The following EPB41L3 variants were observed in gnomAD, a reference collection of about 807,000 sequenced individuals.
EPB41L3 encodes the protein erythrocyte membrane protein band 4.1 like 3, also known as band 4.1-like protein 3.
Under a neutral mutation model 127.1 loss-of-function variants are expected in EPB41L3, and 57 were observed. The ratio of observed to expected loss-of-function variants is 0.45; its 90% CI spans 0.36 to 0.56. The LOEUF (loss-of-function observed/expected upper bound fraction) is 0.56, where lower values mean the gene tolerates loss of function less well. Among genes scored for constraint, EPB41L3 ranks in the 20% least tolerant of loss-of-function variants. EPB41L3 has a pLI of 0.00. For missense variants in EPB41L3, 1,273 were observed against 1,372.2 expected (o/e 0.93, Z 1.14); for synonymous variants, 572 against 549.5 (o/e 1.04, Z -0.57).
At chr18:5,480,420 G>A (rs900846207) in intron 2 of EPB41L3, among the ~76,000 whole-genome samples, 4 of 152,122 alleles carry the variant, frequency 2.6e-5, no homozygotes, top group South Asian at 2.1e-4. Flanking sequence ...TCTATGGTAT[G>A]GGTATTATTA....
At position 5,478,237 on chromosome 18, in the gene EPB41L3, T is replaced by G. The variant is rs776914815; in HGVS notation, c.381+4A>C. 3 of 1,613,280 alleles carry G rather than the reference T, an allele frequency of 1.9e-6. No homozygotes were observed. Among genetic ancestry groups the G allele is most frequent in the Non-Finnish European group, 2.5e-6 (3 of 1,179,274 alleles). On this transcript the variant is annotated splice_donor_region_variant and intron_variant, in intron 3 of 22. Coordinates refer to ENST00000341928, the MANE Select transcript of EPB41L3 (RefSeq NM_012307.5). ...GACAGAAAAGTCTTAAGACACACAC[T>G]TACCTCTACATCACAGGTATATTCT...
At position 5,543,919 on chromosome 18, in the gene EPB41L3, T is replaced by C. The variant is rs1216080640; in HGVS notation, c.-18A>G. 6 of 982,674 alleles carry C rather than the reference T, an allele frequency of 6.1e-6. No individual in the cohort carries two copies. In the Admixed American group the frequency reaches 3.7e-4, roughly 61 times the overall value. 60.9% of individuals were successfully genotyped at this position (982,674 alleles called of 1,614,324 possible). The stretch of plus-strand genomic sequence containing the variant: ...CGAGAGGCGGAAAAGTTACCTGGGA[T>C]CAGCAGGGAGCCCGGGCGCGCCGCG... On this transcript the variant is annotated 5_prime_UTR_variant, in exon 1 of 23. Transcript: ENST00000341928. This position sits in a 1 kb window ranked among gnomAD's most constrained non-coding sequence, Gnocchi z 5.2.
At chr18:5,591,849 A>T (rs966712901) in intron 3 of EPB41L3, among the ~76,000 whole-genome samples, 1 of 152,198 alleles carries the variant, frequency 6.6e-6, no homozygotes, top group African/African-American at 2.4e-5. Flanking sequence ...ACACTATTAA[A>T]TAGATATGTG....
chr18:5,571,915 G>C (rs1345300882), intron 3 of EPB41L3, among the ~76,000 whole-genome samples: 1 of 152,236 alleles, frequency 6.6e-6, no homozygotes, highest in African/African-American at 2.4e-5. Flanking sequence ...TTGCCTGAAG[G>C]ATATAGGGAC....
intron 3 of EPB41L3, among the ~76,000 whole-genome samples, chr18:5,455,633 A>G (rs568823924): frequency 5.4e-4 from 80 of 149,216 alleles, no homozygotes; most frequent in East Asian, 1.6e-3. Context: ...TTTTTTTTTT[A>G]ATTGGTTCCT....
intron 3 of EPB41L3, among the ~76,000 whole-genome samples, chr18:5,605,179 C>G (rs1415793542): frequency 6.6e-6 from 1 of 152,136 alleles, no homozygotes; most frequent in Non-Finnish European, 1.5e-5. Flanking sequence ...AGGTTGAGGC[C>G]TCTGCTGGGA....
intron 16 of EPB41L3, among the ~76,000 whole-genome samples, chr18:5,403,032 T>TA: frequency 6.6e-6 from 1 of 152,314 alleles, no homozygotes; most frequent in East Asian, 1.9e-4. Flanking sequence ...TACTAGCAGA[T>TA]ACTGCTTTTT....
chr18:5,461,802 T>A (rs1045091030), intron 3 of EPB41L3, among the ~76,000 whole-genome samples: 1 of 152,136 alleles, frequency 6.6e-6, no homozygotes, highest in Non-Finnish European at 1.5e-5. Flanking sequence ...GATGGAAATG[T>A]TATTTGTTCC....
At chr18:5,549,197 CTTAAT>C (rs541789745), upstream of EPB41L3, among the ~76,000 whole-genome samples, 21 of 152,272 alleles carry the variant, frequency 1.4e-4, no homozygotes, top group South Asian at 4.1e-3. Context: ...AGCTTTGTTT[CTTAAT>C]TTAATTCCTG....
chr18:5,545,873 CTGTGTGTGTGTGTGTGTGTGTGTGTG>C (rs36213569), upstream of EPB41L3, among the ~76,000 whole-genome samples: 5 of 146,864 alleles, frequency 3.4e-5, no homozygotes, highest in African/African-American at 7.5e-5. Context: ...CTGTATGACT[CTGTGTGTGTGTGTGTGTGTGTGTGTG>C]TGTGTGTGTG....
intron 20 of EPB41L3, 43 bp downstream of exon 20, chr18:5,395,566 C>T (rs1457738719): frequency 6.4e-7 from 1 of 1,574,442 alleles, no homozygotes; most frequent in East Asian, 2.2e-5. Flanking sequence ...CTTCCTCCAG[C>T]TCGCTCTCAA....
chr18:5,520,536 G>A (rs193053358), intron 1 of EPB41L3, among the ~76,000 whole-genome samples: 9 of 141,584 alleles, frequency 6.4e-5, no homozygotes, highest in South Asian at 4.5e-4. Flanking sequence ...ACCCATGCTC[G>A]CCTCCCCTAC....
At chr18:5,438,341 A>C (rs2146012387) in intron 5 of EPB41L3, among the ~76,000 whole-genome samples, 1 of 152,312 alleles carries the variant, frequency 6.6e-6, no homozygotes, top group Middle Eastern at 3.4e-3. Flanking sequence ...TAGTATGGAA[A>C]CTGATCAAAC....
chr18:5,558,789 CTAT>C (rs1277179271), intron 3 of EPB41L3, among the ~76,000 whole-genome samples: 1 of 152,060 alleles, frequency 6.6e-6, no homozygotes, highest in African/African-American at 2.4e-5. Context: ...CAGTTAGCTA[CTAT>C]TATTAATACT....
intron 9 of EPB41L3, 55 bp from the exon 10 acceptor site, chr18:5,424,414 G>T (rs2145301030): frequency 7.2e-7 from 1 of 1,392,770 alleles, no homozygotes; most frequent in Non-Finnish European, 9.8e-7. Flanking sequence ...AATAACAGAA[G>T]CCCTGTAAAT....
chr18:5,604,880 G>A (rs534167803), intron 3 of EPB41L3, among the ~76,000 whole-genome samples: 2 of 152,112 alleles, frequency 1.3e-5, no homozygotes, highest in Admixed American at 6.5e-5. Flanking sequence ...AAAAAGTTAC[G>A]CCCATATGGT....
intron 1 of EPB41L3, among the ~76,000 whole-genome samples, chr18:5,543,000 C>A (rs1307320252): frequency 1.3e-5 from 2 of 152,164 alleles, no homozygotes; most frequent in African/African-American, 4.8e-5. Context: ...CCACCCCCAC[C>A]GCGGCAGAGC....
At chr18:5,504,442 T>C (rs2091988533) in intron 1 of EPB41L3, among the ~76,000 whole-genome samples, 1 of 152,200 alleles carries the variant, frequency 6.6e-6, no homozygotes, top group Non-Finnish European at 1.5e-5. Flanking sequence ...GACAGCCCTG[T>C]TGAGCTTTTC....
intron 3 of EPB41L3, among the ~76,000 whole-genome samples, chr18:5,601,518 T>C (rs1380260349): frequency 2.6e-5 from 4 of 152,212 alleles, no homozygotes; most frequent in Admixed American, 2.6e-4. Flanking sequence ...TTGTTGTTTT[T>C]TTCCTTCAGA....
Sources: allele counts gnomAD v4.1 joint callset (sites outside exome capture counted in the v4.1 genomes callset), GRCh38; gene constraint gnomAD v4.1.1; non-coding constraint Gnocchi (gnomAD v3.1); transcripts MANE v1.5; gene names NCBI Gene and HGNC (gene_info 2026-07-23, HGNC 2026-07-21).